TICRR: variants seen among roughly 807,000 people sequenced by gnomAD.
TICRR encodes the protein TOPBP1 interacting checkpoint and replication regulator, also known as treslin.
Under a neutral mutation model 178.1 loss-of-function variants are expected in TICRR, and 132 were observed. The observed-to-expected ratio is 0.74, with a 90% confidence interval of 0.64 to 0.86. The LOEUF (loss-of-function observed/expected upper bound fraction) is 0.86, where lower values mean the gene tolerates loss of function less well. Ranked by LOEUF, TICRR falls within the 40% of genes least tolerant of loss-of-function variation. The pLI is 0.00. For synonymous variants in TICRR, 991 were observed against 900.7 expected (o/e 1.10, Z -1.79); for missense variants, 2,587 against 2,334.3 (o/e 1.11, Z -2.23).
At position 89,576,165 on chromosome 15, in the gene TICRR, G is replaced by C. The variant is rs748523531; in HGVS notation, c.579G>C (p.Leu193Phe). The C allele has an allele frequency of 6.2e-7, 1 of 1,604,174 alleles. No homozygotes were observed. Among genetic ancestry groups the C allele is most frequent in the Non-Finnish European group, 8.5e-7 (1 of 1,179,830 alleles). Residue 193 changes from leucine (L) to phenylalanine (F), a missense_variant, in exon 1 of 22, where the codon TTG becomes TTC. Physicochemically the swap from Leu to Phe is conservative, Grantham distance 22. Coordinates refer to ENST00000268138, the MANE Select transcript of TICRR (RefSeq NM_152259.4). ...CTAAGCAGGTGATGGAGAAGTTGTT[G>C]CCCAAGAGAGTCCGGGAAGTCATGG... ...PTPKQVMEKL[L>F]PKRVREVMVA...
chr15:89,612,316 G>A (rs75696351), intron 15 of TICRR, among the ~76,000 whole-genome samples: 125 of 152,250 alleles, frequency 8.2e-4, no homozygotes, highest in Middle Eastern at 3.4e-3. Context: ...GGGAAGGTGT[G>A]TCTGTCCCTT....
chr15:89,587,531 G>A (rs1962842093), intron 4 of TICRR, among the ~76,000 whole-genome samples: 1 of 152,096 alleles, frequency 6.6e-6, no homozygotes, highest in African/African-American at 2.4e-5. Context: ...CAGCAAAGGA[G>A]ACAAAAGGGG....
At chr15:89,592,570 C>T (rs1962930913) in intron 5 of TICRR, among the ~76,000 whole-genome samples, 1 of 152,064 alleles carries the variant, frequency 6.6e-6, no homozygotes. Context: ...AAGTTAACAA[C>T]CGATTACTAA....
intron 15 of TICRR, among the ~76,000 whole-genome samples, chr15:89,616,196 T>G (rs1362130609): frequency 6.6e-6 from 1 of 152,194 alleles, no homozygotes; most frequent in Non-Finnish European, 1.5e-5. Flanking sequence ...ATATTTACAT[T>G]GTCTTATGTC....
At chr15:89,605,840 CAA>C (rs904207656) in intron 13 of TICRR, among the ~76,000 whole-genome samples, 12 of 151,848 alleles carry the variant, frequency 7.9e-5, no homozygotes, top group South Asian at 2.1e-4. Context: ...ATTGAAAAAA[CAA>C]AAAATCTTTA....
rs1413083891 is a variant in TICRR, at chr15:89,585,810, G to A, written c.1279G>A (p.Ala427Thr). ...MILTVCRTKE[A>T]EFQRHVLQTA... ...CCTCACTGTGTGCCGCACCAAGGAG[G>A]CTGAATTTCAACGACATGTTCTCCA... is the stretch of plus-strand genomic sequence containing the variant. Residue 427 changes from alanine (A) to threonine (T), a missense_variant, in exon 4 of 22, where the codon GCT (alanine) becomes ACT (threonine). Coordinates refer to ENST00000268138, the MANE Select transcript of TICRR (RefSeq NM_152259.4). The A allele has an allele frequency of 1.9e-6, 3 of 1,614,142 alleles. No homozygotes were observed. Among genetic ancestry groups the A allele is most frequent in the East Asian group, 2.2e-5 (1 of 44,882 alleles).
chr15:89,587,565 C>T (rs940662658), intron 4 of TICRR, among the ~76,000 whole-genome samples: 1 of 152,058 alleles, frequency 6.6e-6, no homozygotes. Context: ...TTAAAGAAAA[C>T]CCAGATTGTG....
Position 89,575,565 on chromosome 15 carries a change from C to T in TICRR, c.-22C>T. The T allele has an allele frequency of 2.8e-6, 4 of 1,451,246 alleles. No individual in the cohort carries two copies. Among genetic ancestry groups the T allele is most frequent in the Middle Eastern group, 2.0e-4 (1 of 5,108 alleles). 89.9% of individuals were successfully genotyped at this position (1,451,246 alleles called of 1,614,324 possible). A position where few individuals can be genotyped will look rare whatever the true frequency, so the allele number is the denominator to read the frequency against. ...GGTGGCGCGGGCCCGGACCGGGGCC[C>T]CGGGGCGGCGGCACGGCCGATATGG... On this transcript the variant is annotated 5_prime_UTR_variant, in exon 1 of 22. Transcript: ENST00000268138.
chr15:89,600,432 A>T (rs1963074177), intron 8 of TICRR, among the ~76,000 whole-genome samples, 153 bp from the exon 9 acceptor site: 1 of 152,208 alleles, frequency 6.6e-6, no homozygotes, highest in African/African-American at 2.4e-5. Context: ...CTTTTTAAAG[A>T]TATAAAAGAA....
chr15:89,626,317 C>T (rs185221970), intron 21 of TICRR, among the ~76,000 whole-genome samples: 143 of 152,292 alleles, frequency 9.4e-4, no homozygotes, highest in Middle Eastern at 3.4e-3. Flanking sequence ...GTGGGCTTGC[C>T]GCAACATGCT....
chr15:89,575,727 C>T lies in TICRR; in HGVS notation c.141C>T (p.Phe47=). 1 of 1,610,216 alleles carries T rather than the reference C, an allele frequency of 6.2e-7. No homozygotes were observed. The highest frequency in any genetic ancestry group is 8.5e-7 in the Non-Finnish European group (1 of 1,179,166). Residue 47 remains phenylalanine, a synonymous_variant, in exon 1 of 22, where the codon TTC becomes TTT. Transcript: ENST00000268138. The part of the protein sequence containing the change: ...RFGLARVHWA[F]KFFDSQGARS... ...GCCTGGCCAGGGTCCACTGGGCCTT[C>T]AAGTTCTTTGACTCGCAGGGGGCGC...
intron 4 of TICRR, among the ~76,000 whole-genome samples, chr15:89,589,067 A>G (rs1231406101): frequency 6.6e-6 from 1 of 152,008 alleles, no homozygotes; most frequent in Non-Finnish European, 1.5e-5. Flanking sequence ...TTGAGGACAT[A>G]GGGGATTTTG....
Position 89,582,695 on chromosome 15 carries a change from T to A in TICRR, c.664T>A (p.Ser222Thr). The change falls in exon 2 of 22, where the codon TCC (serine) becomes ACC (threonine). Residue 222 changes from serine to threonine, a missense_variant. Coordinates refer to ENST00000268138, the MANE Select transcript of TICRR (RefSeq NM_152259.4). ...DTTEWSKLWE[S>T]PDHLGYWTVC... ...TGTCGTTTTATTTTAGTTGTGGGAA[T>A]CCCCAGACCACCTTGGATACTGGAC... 1 of 1,611,518 alleles carries A rather than the reference T, an allele frequency of 6.2e-7. No homozygotes were observed. Among genetic ancestry groups the A allele is most frequent in the Non-Finnish European group, 8.5e-7 (1 of 1,178,142 alleles).
Position 89,625,167 on chromosome 15 carries a change from C to T in TICRR, c.4857C>T (p.Pro1619=), listed in dbSNP as rs1240336148. 3 of 1,613,812 alleles carry T rather than the reference C, an allele frequency of 1.9e-6. No individual in the cohort carries two copies. Among genetic ancestry groups the T allele is most frequent in the Non-Finnish European group, 1.7e-6 (2 of 1,179,908 alleles). ...GCAGGTCCTTAAGCAAACCTGAACC[C>T]ACCTATGTGTCACCCCCCTGCCCCC... ...RASRSLSKPE[P]TYVSPPCPRL... The change falls in exon 20 of 22, where the codon CCC becomes CCT. Residue 1619 remains proline, a synonymous_variant. Coordinates refer to ENST00000268138, the MANE Select transcript of TICRR (RefSeq NM_152259.4).
intron 13 of TICRR, among the ~76,000 whole-genome samples, chr15:89,605,531 T>A (rs1484165500): frequency 1.3e-5 from 2 of 152,174 alleles, no homozygotes; most frequent in Admixed American, 6.5e-5. Flanking sequence ...GGCTACTTTT[T>A]GTATTTTTTA....
chr15:89,625,976 C>G lies in TICRR; in HGVS notation c.5517C>G (p.Leu1839=), dbSNP rs766091285. ...CCAGCTGTGCCGTGCGGAGCTGCCT[C>G]TCTGCCAGTGCCCTCCAGGCTCTGA... is the stretch of plus-strand genomic sequence containing the variant. ...PPPSCAVRSC[L]SASALQALTQ... The change falls in exon 21 of 22, where the codon CTC becomes CTG. Residue 1839 remains leucine (L), a synonymous_variant. Transcript: ENST00000268138. 1 of 1,604,454 alleles carries G rather than the reference C, an allele frequency of 6.2e-7. No individual in the cohort carries two copies. The highest frequency in any genetic ancestry group is 8.5e-7 in the Non-Finnish European group (1 of 1,175,950).
rs770704080 is a variant in TICRR, at chr15:89,616,487, C to G, written c.2952C>G (p.Ile984Met). The change falls in exon 16 of 22, where the codon ATC becomes ATG. Residue 984 changes from isoleucine to methionine, a missense_variant. Transcript: ENST00000268138. ...CCAAAAGGCTGCTGCACAGACAAAT[C>G]AAGGGCAGGTGAGTGACATCCCCAT... ...QISKRLLHRQIKGRSSDPGPD... is the reference protein window; with the variant it reads ...QISKRLLHRQMKGRSSDPGPD... 6.2e-7 allele frequency: 1 copy of G among 1,613,804 alleles called. No homozygotes were observed. The highest frequency in any genetic ancestry group is 1.7e-5 in the Admixed American group (1 of 59,994).
chr15:89,589,352 C>T (rs1311093545), intron 4 of TICRR, among the ~76,000 whole-genome samples: 1 of 152,176 alleles, frequency 6.6e-6, no homozygotes, highest in African/African-American at 2.4e-5. Context: ...ACCCCCACTC[C>T]TGCCCATGTC....
chr15:89,575,476 C>A lies in TICRR; in HGVS notation c.-111C>A, dbSNP rs73484637. Reference sequence around the variant, plus strand: ...GTTCCTGGAGAGCGCGGGAGCCTTTCGACCAGGGTCCCAAAGGAAAGCAGT... The same window carrying A: ...GTTCCTGGAGAGCGCGGGAGCCTTTAGACCAGGGTCCCAAAGGAAAGCAGT... On this transcript the variant is annotated 5_prime_UTR_variant, in exon 1 of 22. Transcript: ENST00000268138. The A allele has an allele frequency of 1.5e-3, 1,646 of 1,127,658 alleles. 20 individuals carry two copies. In the African/African-American group the frequency reaches 0.025, roughly 17 times the overall value. 69.9% of individuals were successfully genotyped at this position (1,127,658 alleles called of 1,614,324 possible). A position where few individuals can be genotyped will look rare whatever the true frequency, so the allele number is the denominator to read the frequency against.
Sources: allele counts gnomAD v4.1 joint callset (sites outside exome capture counted in the v4.1 genomes callset), GRCh38; gene constraint gnomAD v4.1.1; transcripts MANE v1.5; gene names NCBI Gene and HGNC (gene_info 2026-07-23, HGNC 2026-07-21).